The following RARB variants were observed in gnomAD, a reference collection of about 807,000 sequenced individuals.
RARB encodes HBV-activated protein.
RARB carries 17 observed loss-of-function variants against 51.9 expected under a neutral mutation model. That is an observed-to-expected ratio of 0.33 (90% CI 0.22 to 0.49). The LOEUF (loss-of-function observed/expected upper bound fraction) is 0.49, where lower values mean the gene tolerates loss of function less well. Among genes scored for constraint, RARB ranks in the 20% least tolerant of loss-of-function variants. RARB has a pLI of 0.99. For synonymous variants in RARB, 215 were observed against 195.4 expected (o/e 1.10, Z -0.84); for missense variants, 369 against 550.8 (o/e 0.67, Z 3.30).
intron 4 of RARB, among the ~76,000 whole-genome samples, chr3:25,173,433 AATGG>A (rs1700681153): frequency 6.6e-6 from 1 of 152,272 alleles, no homozygotes; most frequent in East Asian, 1.9e-4. Context: ...TGGGTCAACA[AATGG>A]ATGGATGGAT....
intron 3 of RARB, among the ~76,000 whole-genome samples, chr3:25,127,126 A>G (rs1219783341): frequency 6.6e-6 from 1 of 152,144 alleles, no homozygotes; most frequent in Non-Finnish European, 1.5e-5. Flanking sequence ...TACAGGAACC[A>G]GGTGATCTTG....
At chr3:25,537,477 C>G (rs946344630) in intron 3 of RARB, among the ~76,000 whole-genome samples, 1 of 152,182 alleles carries the variant, frequency 6.6e-6, no homozygotes, top group Non-Finnish European at 1.5e-5. Context: ...ATACTATGCA[C>G]TGACTCATTC....
Position 25,597,024 on chromosome 3 carries a change from C to G in RARB, c.*408C>G, listed in dbSNP as rs1323071183. On this transcript the variant is annotated 3_prime_UTR_variant, in exon 8 of 8. Coordinates refer to ENST00000330688, the MANE Select transcript of RARB (RefSeq NM_000965.5). ...CTTTTGTCTTGCATACTCAAAATAACCATGACACCAAGGTTATGAAATAGA... is the reference window on the plus strand; with the variant it reads ...CTTTTGTCTTGCATACTCAAAATAAGCATGACACCAAGGTTATGAAATAGA... The G allele has an allele frequency of 6.3e-6, 1 of 158,964 alleles. No homozygotes were observed. Among genetic ancestry groups the G allele is most frequent in the Non-Finnish European group, 1.4e-5 (1 of 71,874 alleles). The allele number at this position is 158,964 out of a possible 1,614,324, so 9.8% of individuals were successfully genotyped here. A position where few individuals can be genotyped will look rare whatever the true frequency, so the allele number is the denominator to read the frequency against.
chr3:24,923,804 A>G (rs1324605904), intron 2 of RARB, among the ~76,000 whole-genome samples: 1 of 152,202 alleles, frequency 6.6e-6, no homozygotes, highest in Non-Finnish European at 1.5e-5. Flanking sequence ...GCTTGAAGAA[A>G]TAACTAGAAA....
chr3:25,261,212 G>GA (rs1189921308), intron 5 of RARB, among the ~76,000 whole-genome samples: 3 of 152,212 alleles, frequency 2.0e-5, no homozygotes, highest in African/African-American at 7.2e-5. Flanking sequence ...GTAGTTAGAT[G>GA]ATGGTCATCA....
intron 4 of RARB, among the ~76,000 whole-genome samples, chr3:25,173,489 A>G (rs1700682068): frequency 6.6e-6 from 1 of 152,192 alleles, no homozygotes; most frequent in South Asian, 2.1e-4. Flanking sequence ...AGTGATACAT[A>G]ATATTTTACT....
At chr3:25,569,727 A>AC (rs1700634870) in intron 3 of RARB, 31 bp from the exon 4 acceptor site, 1 of 1,600,480 alleles carries the variant, frequency 6.2e-7, no homozygotes, top group East Asian at 2.2e-5. Flanking sequence ...GCCTTCAGCG[A>AC]CCCCTGATGT....
intron 5 of RARB, among the ~76,000 whole-genome samples, chr3:25,346,990 G>A (rs1168092681): frequency 1.3e-5 from 2 of 152,220 alleles, no homozygotes; most frequent in African/African-American, 4.8e-5. Flanking sequence ...TCTAACGAGT[G>A]TTGTGAAGAG....
At chr3:24,877,261 T>C (rs1041975661) in intron 2 of RARB, among the ~76,000 whole-genome samples, 6 of 151,334 alleles carry the variant, frequency 4.0e-5, no homozygotes, top group Non-Finnish European at 8.8e-5. Flanking sequence ...AGAGGATAAA[T>C]ACATTAAACT....
chr3:25,096,752 C>G (rs147640024), intron 3 of RARB, among the ~76,000 whole-genome samples: 3 of 152,078 alleles, frequency 2.0e-5, no homozygotes, highest in Admixed American at 2.0e-4. Context: ...GGGGGTGGAC[C>G]CTGCATATTC....
intron 5 of RARB, among the ~76,000 whole-genome samples, chr3:25,194,660 T>G (rs1488654920): frequency 6.6e-6 from 1 of 151,604 alleles, no homozygotes; most frequent in East Asian, 1.9e-4. Context: ...TTTTTTAATT[T>G]AAGTCTCCAA....
intron 1 of RARB, among the ~76,000 whole-genome samples, chr3:24,853,873 G>A (rs147917383): frequency 1.2e-3 from 178 of 152,326 alleles, no homozygotes; most frequent in African/African-American, 4.1e-3. Flanking sequence ...GCACCTGGAA[G>A]ATACCATCTT....
intron 3 of RARB, among the ~76,000 whole-genome samples, chr3:25,066,481 G>T (rs1698664550): frequency 6.6e-6 from 1 of 152,182 alleles, no homozygotes; most frequent in African/African-American, 2.4e-5. Flanking sequence ...AATAAAGGCA[G>T]TATGGGCAAA....
intron 5 of RARB, among the ~76,000 whole-genome samples, chr3:25,407,965 C>T (rs1477729076): frequency 2.0e-5 from 3 of 152,078 alleles, no homozygotes; most frequent in Admixed American, 6.5e-5. Context: ...CAGTTGCCCA[C>T]AGCGGTAACG....
chr3:25,048,410 A>G (rs1390378013), intron 2 of RARB, among the ~76,000 whole-genome samples: 1 of 152,188 alleles, frequency 6.6e-6, no homozygotes, highest in Non-Finnish European at 1.5e-5. Context: ...AAGTACACAC[A>G]ACTTTCCTAT....
chr3:25,503,599 T>C (rs1416297256), intron 3 of RARB, among the ~76,000 whole-genome samples: 3 of 151,996 alleles, frequency 2.0e-5, no homozygotes, highest in Admixed American at 6.6e-5. Context: ...GATTTAAAAA[T>C]ATAGAAATGG....
At chr3:25,452,657 T>TA in intron 1 of RARB, among the ~76,000 whole-genome samples, 1 of 87,948 alleles carries the variant, frequency 1.1e-5, no homozygotes, top group Non-Finnish European at 2.1e-5. Context: ...AATGAGAATT[T>TA]AAAAAGCGGG....
At chr3:25,150,853 A>G (rs151008973) in intron 4 of RARB, among the ~76,000 whole-genome samples, 368 of 152,326 alleles carry the variant, frequency 2.4e-3, no homozygotes, top group African/African-American at 8.5e-3. Flanking sequence ...TTTAGGAAAA[A>G]TACCTAGACA....
At chr3:25,021,052 A>C (rs1374792002) in intron 2 of RARB, among the ~76,000 whole-genome samples, 2 of 152,250 alleles carry the variant, frequency 1.3e-5, no homozygotes, top group Non-Finnish European at 2.9e-5. Flanking sequence ...CTCTAATGAA[A>C]GTAAAATGAT....
Sources: allele counts gnomAD v4.1 joint callset (sites outside exome capture counted in the v4.1 genomes callset), GRCh38; gene constraint gnomAD v4.1.1; transcripts MANE v1.5; gene names NCBI Gene and HGNC (gene_info 2026-07-23, HGNC 2026-07-21).